Variants in GLCE observed in about 807,000 individuals in gnomAD.
GLCE encodes glucuronic acid epimerase, also known as D-glucuronyl C5-epimerase.
A neutral mutation model predicts 47.9 loss-of-function variants in GLCE; 19 were observed. The observed-to-expected ratio is 0.40, with a 90% confidence interval of 0.28 to 0.58. GLCE has a LOEUF of 0.58. GLCE is among the 20% of genes least tolerant of loss of function. The pLI, the probability that GLCE is intolerant of heterozygous loss-of-function variation, is 0.48. For synonymous variants in GLCE, 245 were observed against 263.4 expected, an observed-to-expected ratio of 0.93 and a Z score of 0.68; for missense variants, 556 against 743.3, an observed-to-expected ratio of 0.75 and a Z score of 2.93.
chr15:69,197,400 G>A, intron 1 of GLCE: 1 of 201,020 alleles, frequency 5.0e-6, no homozygotes, highest in Non-Finnish European at 1.0e-5. Context: ...TTTCTCATTG[G>A]CAAAAATGTG....
At chr15:69,166,887 C>T (rs899775868) in intron 1 of GLCE, among the ~76,000 whole-genome samples, 2 of 120,130 alleles carry the variant, frequency 1.7e-5, no homozygotes, top group African/African-American at 3.2e-5. Flanking sequence ...CCAGCCTGGC[C>T]GACAGACCTA....
At chr15:69,181,696 G>A (rs565160295) in intron 1 of GLCE, among the ~76,000 whole-genome samples, 1 of 152,302 alleles carries the variant, frequency 6.6e-6, no homozygotes, top group East Asian at 1.9e-4. Context: ...AAAGGGAAGT[G>A]AGAAATTGGA....
chr15:69,196,513 C>T (rs1202044686), intron 1 of GLCE: 2 of 183,628 alleles, frequency 1.1e-5, no homozygotes, highest in Admixed American at 5.9e-5. Context: ...GCAGCATCAA[C>T]AATGCATTTG....
rs147747120 is a variant in GLCE, at chr15:69,238,215, G to T, written c.-13-17579G>T. 4.7e-3 allele frequency among the ~76,000 whole-genome samples: 711 copies of T among 152,220 alleles called. 8 individuals are homozygous for T. The highest frequency in any genetic ancestry group is 0.016 in the African/African-American group (665 of 41,540). ...CGCATAATGCTAGTAGTTTAAGATT[G>T]TGTCTGCACAACCAAGGGTAAATCT... On this transcript the variant is annotated intron_variant, in intron 2 of 4. Transcript: ENST00000261858.
chr15:69,232,630 G>T (rs2052540675), intron 2 of GLCE, among the ~76,000 whole-genome samples: 1 of 152,126 alleles, frequency 6.6e-6, no homozygotes, highest in Admixed American at 6.5e-5. Context: ...TACAGAGCTT[G>T]GAACCATTAT....
At chr15:69,237,289 T>TAAC (rs1259061085) in intron 2 of GLCE, among the ~76,000 whole-genome samples, 12 of 152,116 alleles carry the variant, frequency 7.9e-5, no homozygotes, top group Admixed American at 3.3e-4. Flanking sequence ...ATCCTAATAA[T>TAAC]AACTCATTTA....
rs150255584 is a variant in GLCE at position 69,269,839 on chromosome 15, G to T, written c.*595G>T. The T allele has an allele frequency of 6.6e-6, 1 of 152,654 alleles. No homozygotes were observed. The highest frequency in any genetic ancestry group is 6.5e-5 in the Admixed American group (1 of 15,286). 9.5% of individuals were successfully genotyped at this position (152,654 alleles called of 1,614,324 possible). A position where few individuals can be genotyped will look rare whatever the true frequency, so the allele number is the denominator to read the frequency against. On this transcript the variant is annotated 3_prime_UTR_variant, in exon 5 of 5. Coordinates refer to ENST00000261858, the MANE Select transcript of GLCE (RefSeq NM_015554.3). The stretch of plus-strand genomic sequence containing the variant: ...TATTTAATTATGGTTTTCTTGAAAC[G>T]TGTAAATTAAAAACACAATCAGTGT...
Position 69,258,533 on chromosome 15 carries a change from T to C in GLCE, c.586+2141T>C, listed in dbSNP as rs527755840. 2.0e-5 allele frequency among the ~76,000 whole-genome samples: 3 copies of C among 152,318 alleles called. No individual in the cohort carries two copies. The South Asian group carries it at 6.2e-4, about 32-fold the overall frequency. ...TAATGTATGAGACCCTTCTCTTTAG[T>C]TGTACACTTAGGTCATTTCCAGGTT... is the stretch of plus-strand genomic sequence containing the variant. On this transcript the variant is annotated intron_variant, in intron 3 of 4. Transcript: ENST00000261858.
At chr15:69,163,495 TAAG>T (rs1227041603) in intron 1 of GLCE, among the ~76,000 whole-genome samples, 1 of 152,196 alleles carries the variant, frequency 6.6e-6, no homozygotes, top group African/African-American at 2.4e-5. Flanking sequence ...GTTGTGATAA[TAAG>T]AAACCAAGCA....
At chr15:69,224,754 C>T (rs1458556033) in intron 2 of GLCE, among the ~76,000 whole-genome samples, 2 of 152,204 alleles carry the variant, frequency 1.3e-5, no homozygotes, top group Non-Finnish European at 2.9e-5. Context: ...GTGTTAAGAG[C>T]TGAAAATGAC....
chr15:69,182,269 TTGTGTG>T (rs34135980), intron 1 of GLCE, among the ~76,000 whole-genome samples: 29 of 144,824 alleles, frequency 2.0e-4, no homozygotes, highest in Admixed American at 4.9e-4. Context: ...CATCGTGTAT[TTGTGTG>T]TGTGTGTGTG....
chr15:69,257,144 G>A (rs57274773), intron 3 of GLCE, among the ~76,000 whole-genome samples: 18,666 of 151,848 alleles, frequency 0.12, 1,218 homozygotes, highest in East Asian at 0.16. Context: ...TATATTTTTT[G>A]CTCTGGAAAG....
chr15:69,268,961 A>G lies in GLCE; in HGVS notation c.1571A>G (p.Glu524Gly). 1.2e-6 allele frequency: 2 copies of G among 1,614,246 alleles called. No homozygotes were observed. The highest frequency in any genetic ancestry group is 1.7e-6 in the Non-Finnish European group (2 of 1,180,044). Residue 524 changes from glutamate to glycine, a missense_variant, in exon 5 of 5, where the codon GAA becomes GGA. Coordinates refer to ENST00000261858, the MANE Select transcript of GLCE (RefSeq NM_015554.3). ...YSLIGLYDLK[E>G]TAGEKLGKEA... Reference sequence around the variant, plus strand: ...TTAATTGGGCTGTATGACTTAAAAGAAACTGCAGGGGAAAAACTCGGAAAA... The same window carrying G: ...TTAATTGGGCTGTATGACTTAAAAGGAACTGCAGGGGAAAAACTCGGAAAA...
At chr15:69,203,717 A>T (rs2202251) in intron 1 of GLCE, among the ~76,000 whole-genome samples, 1 of 151,878 alleles carries the variant, frequency 6.6e-6, no homozygotes, top group African/African-American at 2.4e-5. Flanking sequence ...ACAAGAAAAG[A>T]CCTTAAGGCA....
At chr15:69,219,909 C>T (rs2052355949) in intron 2 of GLCE, among the ~76,000 whole-genome samples, 1 of 152,038 alleles carries the variant, frequency 6.6e-6, no homozygotes, top group Admixed American at 6.6e-5. Flanking sequence ...CCCTGGCAAC[C>T]ACCAGTCTAC....
chr15:69,242,013 G>A (rs1269854052), intron 2 of GLCE, among the ~76,000 whole-genome samples: 3 of 152,172 alleles, frequency 2.0e-5, no homozygotes, highest in African/African-American at 4.8e-5. Context: ...ATTTTCTATT[G>A]TAAAATAGCA....
At chr15:69,263,549 T>A (rs2053043385) in intron 4 of GLCE, among the ~76,000 whole-genome samples, 1 of 152,176 alleles carries the variant, frequency 6.6e-6, no homozygotes, top group Non-Finnish European at 1.5e-5. Context: ...TGTCGAATAA[T>A]GTTTTATTCC....
intron 1 of GLCE, among the ~76,000 whole-genome samples, chr15:69,203,899 A>T (rs2052111253): frequency 6.6e-6 from 1 of 152,154 alleles, no homozygotes; most frequent in Non-Finnish European, 1.5e-5. Flanking sequence ...AATTGAGTTT[A>T]GGTTAAATGG....
At chr15:69,202,450 C>T (rs746070076) in intron 1 of GLCE, among the ~76,000 whole-genome samples, 3 of 152,114 alleles carry the variant, frequency 2.0e-5, no homozygotes, top group African/African-American at 4.8e-5. Flanking sequence ...TCCTCATATA[C>T]AATTCTCTCT....
Sources: allele counts gnomAD v4.1 joint callset (sites outside exome capture counted in the v4.1 genomes callset), GRCh38; gene constraint gnomAD v4.1.1; transcripts MANE v1.5; gene names NCBI Gene and HGNC (gene_info 2026-07-23, HGNC 2026-07-21).